SORL1: variants seen among roughly 807,000 people sequenced by gnomAD.
The protein encoded by SORL1 is sortilin related receptor 1.
A neutral mutation model predicts 273.7 loss-of-function variants in SORL1; 127 were observed. The observed-to-expected ratio is 0.46, with a 90% CI of 0.40 to 0.54. The LOEUF is 0.54. SORL1 is among the 20% of genes least tolerant of loss of function. SORL1 has a pLI of 0.00. For missense variants in SORL1, 2,494 were observed against 2,846.1 expected, an observed-to-expected ratio of 0.88 and a Z score of 2.81; for synonymous variants, 1,031 against 1,067.4, an observed-to-expected ratio of 0.97 and a Z score of 0.66.
chr11:121,513,018 G>A lies in SORL1; in HGVS notation c.955G>A (p.Glu319Lys), dbSNP rs747354495. 41 of 1,613,910 alleles carry A rather than the reference G, an allele frequency of 2.5e-5. 1 individual carries two copies. The South Asian group carries it at 4.3e-4, about 17-fold the overall frequency. Residue 319 changes from glutamate to lysine, a missense_variant, in exon 7 of 48, where the codon GAA (glutamate) becomes AAA (lysine). Transcript: ENST00000260197. Reference sequence around the variant, plus strand: ...TCCTTGGCAGCATCTCTTGGGCAGTGAACAGCAGTCTTCTGTCCAGCTCTG... The same window carrying A: ...TCCTTGGCAGCATCTCTTGGGCAGTAAACAGCAGTCTTCTGTCCAGCTCTG... ...ATKVVHLLGS[E>K]QQSSVQLWVS...
intron 37 of SORL1, among the ~76,000 whole-genome samples, chr11:121,607,867 A>G (rs866127416): frequency 6.6e-6 from 1 of 152,154 alleles, no homozygotes; most frequent in East Asian, 1.9e-4. Context: ...TTGTGGATCA[A>G]TAGAAATTTT....
At position 121,543,514 on chromosome 11, in the gene SORL1, C is replaced by T. The variant is rs374624172; in HGVS notation, c.1686-34C>T. Reference sequence around the variant, plus strand: ...ACCAAGCCTTTGCCTTAGAGACTTTCACTGCAAGGATTCTCTTACTTGCAT... The same window carrying T: ...ACCAAGCCTTTGCCTTAGAGACTTTTACTGCAAGGATTCTCTTACTTGCAT... On this transcript the variant is annotated intron_variant, in intron 12 of 47. Transcript: ENST00000260197. 2.6e-6 allele frequency: 4 copies of T among 1,560,040 alleles called. No homozygotes were observed. The African/African-American group carries it at 4.1e-5, about 16-fold the overall frequency.
rs547986020 is a variant in SORL1 at position 121,596,523 on chromosome 11, G to T, written c.4519+751G>T. Among the ~76,000 whole-genome samples, 2 of 152,182 alleles carry T rather than the reference G, an allele frequency of 1.3e-5. No homozygotes were observed. The highest frequency in any genetic ancestry group is 2.4e-5 in the African/African-American group (1 of 41,434). ...CAGACTTGGGAGGGCATGGCTGGACGGTGCTTATGCAGCCCCCCACCGGCC... is the reference window on the plus strand; with the variant it reads ...CAGACTTGGGAGGGCATGGCTGGACTGTGCTTATGCAGCCCCCCACCGGCC... On this transcript the variant is annotated intron_variant, in intron 32 of 47. Transcript: ENST00000260197. The surrounding 1 kb of genome is among the most constrained non-coding windows in gnomAD (Gnocchi z 4.3).
intron 21 of SORL1, among the ~76,000 whole-genome samples, chr11:121,561,758 A>G (rs11218341): frequency 0.022 from 3,291 of 150,470 alleles, 124 homozygotes; most frequent in African/African-American, 0.075. Context: ...GGACCTGTGC[A>G]TGGGCGGCTG....
At chr11:121,506,772 A>AT (rs1177615298) in intron 6 of SORL1, among the ~76,000 whole-genome samples, 2 of 152,142 alleles carry the variant, frequency 1.3e-5, no homozygotes, top group African/African-American at 4.8e-5. Context: ...TTTGATTAGG[A>AT]TGTTTAATTT....
At chr11:121,529,414 G>A (rs1164514051) in intron 11 of SORL1, among the ~76,000 whole-genome samples, 1 of 151,896 alleles carries the variant, frequency 6.6e-6, no homozygotes, top group Non-Finnish European at 1.5e-5. Flanking sequence ...ACGGGGTTTC[G>A]CCATGTTGGT....
intron 1 of SORL1, among the ~76,000 whole-genome samples, chr11:121,467,230 C>T (rs768394704): frequency 1.3e-5 from 2 of 152,022 alleles, no homozygotes; most frequent in Non-Finnish European, 2.9e-5. Context: ...CGGGTTTCAC[C>T]GTGTTAGCCA....
Position 121,520,732 on chromosome 11 carries a change from T to G in SORL1, c.1287T>G (p.Ile429Met). ...AAGGAGTCTACATTGCTACTCTGAT[T>G]AATGGTTCTATGAATGAGGAGAACA... ...GLQGVYIATL[I>M]NGSMNEENMR... Residue 429 changes from isoleucine (I) to methionine (M), a missense_variant, in exon 9 of 48, where the codon ATT becomes ATG. This residue lies in a region of SORL1 where 710 missense variants were observed against 882.5 expected (regional missense o/e 0.80). Coordinates refer to ENST00000260197, the MANE Select transcript of SORL1 (RefSeq NM_003105.6). The G allele has an allele frequency of 1.2e-6, 2 of 1,612,374 alleles. No individual in the cohort carries two copies. The highest frequency in any genetic ancestry group is 1.1e-5 in the South Asian group (1 of 90,622).
intron 6 of SORL1, among the ~76,000 whole-genome samples, chr11:121,504,885 G>C (rs995353791): frequency 6.6e-6 from 1 of 152,010 alleles, no homozygotes; most frequent in Admixed American, 6.6e-5. Flanking sequence ...GGGTTGTTGA[G>C]TGTTTTTATC....
chr11:121,625,068 C>T lies in SORL1; in HGVS notation c.6172-17C>T, dbSNP rs185668817. On this transcript the variant is annotated splice_polypyrimidine_tract_variant and intron_variant, in intron 45 of 47. Coordinates refer to ENST00000260197, the MANE Select transcript of SORL1 (RefSeq NM_003105.6). ...CCATATTCGACTTCCTGAGCAATCT[C>T]TTGTGTTTGTTTTCAGGGCTATGAG... 4.7e-5 allele frequency: 75 copies of T among 1,586,592 alleles called. No individual in the cohort carries two copies. The African/African-American group carries it at 8.7e-4, about 18-fold the overall frequency.
At chr11:121,566,843 C>T (rs542606604) in intron 21 of SORL1, 97 bp from the exon 22 acceptor site, 40 of 1,190,624 alleles carry the variant, frequency 3.4e-5, no homozygotes, top group East Asian at 1.3e-4. Flanking sequence ...CTGTCCTTTC[C>T]GTAAGACGAG....
intron 41 of SORL1, among the ~76,000 whole-genome samples, chr11:121,616,341 C>T (rs1863640761): frequency 6.6e-6 from 1 of 152,244 alleles, no homozygotes; most frequent in Admixed American, 6.5e-5. Context: ...CTGTAGGAAG[C>T]TCTCTGCTTC....
rs1310425683 is a variant in SORL1 at position 121,567,122 on chromosome 11, C to T, written c.3223+9C>T. ...TACCTGTGTCAAACAAGGTACTTCC[C>T]TTTTTCTTTTTTGCCTGTCATCCTC... On this transcript the variant is annotated intron_variant, in intron 22 of 47. Transcript: ENST00000260197. The T allele has an allele frequency of 1.2e-6, 2 of 1,607,004 alleles. No homozygotes were observed. Among genetic ancestry groups the T allele is most frequent in the Non-Finnish European group, 1.7e-6 (2 of 1,176,084 alleles).
At chr11:121,495,900 G>T (rs887592963) in intron 5 of SORL1, among the ~76,000 whole-genome samples, 1 of 152,160 alleles carries the variant, frequency 6.6e-6, no homozygotes, top group Non-Finnish European at 1.5e-5. Flanking sequence ...GCCTTCCGAG[G>T]CATCTATACT....
At chr11:121,626,172 A>G (rs900830420) in intron 46 of SORL1, 2 of 152,244 alleles carry the variant, frequency 1.3e-5, no homozygotes, top group African/African-American at 4.8e-5. Flanking sequence ...ACTAATTGGC[A>G]ACCTGTGAAA....
intron 6 of SORL1, among the ~76,000 whole-genome samples, chr11:121,509,521 G>C (rs1861842005): frequency 6.6e-6 from 1 of 152,078 alleles, no homozygotes; most frequent in Non-Finnish European, 1.5e-5. Context: ...TCTGTTGCCA[G>C]GCTGGAGTGC....
rs150253019 is a variant in SORL1 at position 121,589,997 on chromosome 11, C to G, written c.4079-43C>G. The G allele has an allele frequency of 9.2e-3, 14,820 of 1,606,428 alleles. 84 individuals are homozygous for G. Among genetic ancestry groups the G allele is most frequent in the Non-Finnish European group, 0.011 (13,292 of 1,175,604 alleles). Reference sequence around the variant, plus strand: ...CTAGAGTTGGAGCCCTGTGTTCACACTGATGCAGGGAAAGCAACTGATGAT... The same window carrying G: ...CTAGAGTTGGAGCCCTGTGTTCACAGTGATGCAGGGAAAGCAACTGATGAT... On this transcript the variant is annotated intron_variant, in intron 29 of 47. Coordinates refer to ENST00000260197, the MANE Select transcript of SORL1 (RefSeq NM_003105.6).
chr11:121,621,086 A>G lies in SORL1; in HGVS notation c.5912A>G (p.Asp1971Gly), dbSNP rs1442755625. 1 of 1,611,418 alleles carries G rather than the reference A, an allele frequency of 6.2e-7. No homozygotes were observed. The highest frequency in any genetic ancestry group is 1.3e-5 in the African/African-American group (1 of 74,922). The change falls in exon 44 of 48, where the codon GAT becomes GGT. Residue 1971 changes from aspartate (D) to glycine (G), a missense_variant. Asp to Gly is a moderately conservative substitution (Grantham distance 94). Transcript: ENST00000260197. ...TAGTTGTATGCAGTTGCAGTCAAAG[A>G]TCTCATAAGAAAGACTGACAGGAGC... ...QDLLYAVAVK[D>G]LIRKTDRSYK...
intron 2 of SORL1, among the ~76,000 whole-genome samples, chr11:121,475,683 G>A (rs1320417710): frequency 6.6e-6 from 1 of 152,218 alleles, no homozygotes; most frequent in Non-Finnish European, 1.5e-5. Context: ...CATTCTCCTA[G>A]AGGTAACTTG....
Sources: gnomAD v4.1 joint callset for allele counts (sites outside exome capture counted in the v4.1 genomes callset) on GRCh38, gnomAD v4.1.1 for gene constraint, gnomAD v4.1.1 regional missense constraint, Gnocchi (gnomAD v3.1) non-coding constraint, MANE v1.5 for transcripts, NCBI Gene and HGNC (gene_info 2026-07-23, HGNC 2026-07-21) for gene names.